KIF16B: variants seen among roughly 807,000 people sequenced by gnomAD.
KIF16B encodes kinesin family member 16B.
In KIF16B, 98 loss-of-function variants were observed where a neutral mutation model predicts 156.3. That is an observed-to-expected ratio of 0.63 (90% CI 0.53 to 0.74). The LOEUF (loss-of-function observed/expected upper bound fraction) is 0.74, where lower values mean the gene tolerates loss of function less well. KIF16B is among the 30% of genes least tolerant of loss of function. The pLI is 0.00. For synonymous variants in KIF16B, 564 were observed against 583.7 expected, an observed-to-expected ratio of 0.97 and a Z score of 0.49; for missense variants, 1,421 against 1,606.5, an observed-to-expected ratio of 0.88 and a Z score of 1.97.
intron 5 of KIF16B, among the ~76,000 whole-genome samples, chr20:16,512,161 A>G (rs2068975396): frequency 1.3e-5 from 2 of 151,922 alleles, no homozygotes; most frequent in Admixed American, 1.3e-4. Flanking sequence ...AAAAAAAAGG[A>G]AGGTACATTA....
chr20:16,554,471 C>T (rs2070776053), intron 1 of KIF16B, among the ~76,000 whole-genome samples: 1 of 152,214 alleles, frequency 6.6e-6, no homozygotes, highest in Admixed American at 6.5e-5. Flanking sequence ...GCCTGCTACC[C>T]AGTGCGGGTC....
chr20:16,440,505 T>C (rs559050001), intron 12 of KIF16B, among the ~76,000 whole-genome samples: 7 of 149,590 alleles, frequency 4.7e-5, no homozygotes, highest in African/African-American at 1.7e-4. Flanking sequence ...CATATTACAA[T>C]ACCTATGGTT....
intron 4 of KIF16B, among the ~76,000 whole-genome samples, chr20:16,514,112 C>T (rs145020324): frequency 6.6e-6 from 1 of 152,104 alleles, no homozygotes; most frequent in African/African-American, 2.4e-5. Context: ...GAGAAAAACA[C>T]TTGTAATTTG....
At chr20:16,290,347 C>G (rs1260092697) in intron 25 of KIF16B, among the ~76,000 whole-genome samples, 1 of 152,182 alleles carries the variant, frequency 6.6e-6, no homozygotes, top group African/African-American at 2.4e-5. Context: ...ATGACTCTAT[C>G]GTGTGCCTCT....
chr20:16,382,750 C>T (rs1287220569), intron 17 of KIF16B, among the ~76,000 whole-genome samples: 1 of 151,942 alleles, frequency 6.6e-6, no homozygotes, highest in Non-Finnish European at 1.5e-5. Context: ...CAGCTACCTC[C>T]CCCCACCCCA....
At chr20:16,446,194 A>G (rs1256526908) in intron 12 of KIF16B, among the ~76,000 whole-genome samples, 1 of 152,214 alleles carries the variant, frequency 6.6e-6, no homozygotes, top group African/African-American at 2.4e-5. Context: ...ACAATCAAGA[A>G]AGCTAAAAGT....
intron 12 of KIF16B, among the ~76,000 whole-genome samples, chr20:16,486,622 G>A (rs1384047130): frequency 1.3e-5 from 2 of 152,162 alleles, no homozygotes; most frequent in African/African-American, 2.4e-5. Flanking sequence ...AACCAAAGGG[G>A]AAAGAGCACT....
At chr20:16,513,502 C>T (rs1285045772) in intron 4 of KIF16B, among the ~76,000 whole-genome samples, 2 of 151,880 alleles carry the variant, frequency 1.3e-5, no homozygotes, top group South Asian at 2.1e-4. Flanking sequence ...CTACTAAAAA[C>T]CCAAAAAGTT....
At chr20:16,311,003 C>A (rs929056267) in intron 25 of KIF16B, among the ~76,000 whole-genome samples, 13 of 152,220 alleles carry the variant, frequency 8.5e-5, no homozygotes, top group Admixed American at 2.6e-4. Context: ...GAACCTCCAG[C>A]CTCTAGATAT....
intron 12 of KIF16B, among the ~76,000 whole-genome samples, chr20:16,444,578 T>C (rs931340242): frequency 1.3e-5 from 2 of 152,244 alleles, no homozygotes; most frequent in Non-Finnish European, 2.9e-5. Context: ...AACTGATTAC[T>C]ACCTAGCCTT....
intron 3 of KIF16B, among the ~76,000 whole-genome samples, chr20:16,519,782 G>A (rs1182535400): frequency 6.6e-6 from 1 of 152,216 alleles, no homozygotes; most frequent in African/African-American, 2.4e-5. Flanking sequence ...CAATGCAGAA[G>A]GCAAGTGATT....
chr20:16,523,947 G>T (rs2069442535), intron 3 of KIF16B, among the ~76,000 whole-genome samples: 1 of 152,138 alleles, frequency 6.6e-6, no homozygotes, highest in African/African-American at 2.4e-5. Flanking sequence ...TTTAATAAAT[G>T]GTGTTGGGAA....
chr20:16,548,917 C>T (rs971923719), intron 1 of KIF16B, among the ~76,000 whole-genome samples: 1 of 151,780 alleles, frequency 6.6e-6, no homozygotes, highest in Non-Finnish European at 1.5e-5. Context: ...AACACTAATG[C>T]TGTAGAAAAG....
intron 15 of KIF16B, among the ~76,000 whole-genome samples, chr20:16,426,318 G>T (rs2066351018): frequency 6.6e-6 from 1 of 152,144 alleles, no homozygotes; most frequent in African/African-American, 2.4e-5. Flanking sequence ...CACTTATGTA[G>T]AGGGACATTC....
intron 3 of KIF16B, among the ~76,000 whole-genome samples, chr20:16,519,758 G>A (rs1220088840): frequency 6.6e-6 from 1 of 152,212 alleles, no homozygotes; most frequent in African/African-American, 2.4e-5. Flanking sequence ...CTGGTCTGCA[G>A]CTCCCAGCAA....
chr20:16,563,310 G>A (rs996034428), intron 1 of KIF16B, among the ~76,000 whole-genome samples: 5 of 152,186 alleles, frequency 3.3e-5, no homozygotes, highest in African/African-American at 4.8e-5. Context: ...TCCCTGGAAG[G>A]ATTTTTTCCC....
rs1471267123 is a variant in KIF16B at position 16,282,221 on chromosome 20, T to C, written c.3796-8810A>G. ...TAATTTTTGTATTTTTTAGTAGAGA[T>C]GGGGTTTCACCATGCTGGTCAGGCT... On this transcript the variant is annotated intron_variant, in intron 25 of 25. Coordinates refer to ENST00000354981, the MANE Select transcript of KIF16B (RefSeq NM_024704.5). Among the ~76,000 whole-genome samples, 3 of 151,782 alleles carry C rather than the reference T, an allele frequency of 2.0e-5. No individual in the cohort carries two copies. In the South Asian group the frequency reaches 6.2e-4, roughly 32 times the overall value.
chr20:16,570,229 A>G (rs2071405940), intron 1 of KIF16B, among the ~76,000 whole-genome samples: 1 of 152,226 alleles, frequency 6.6e-6, no homozygotes. Flanking sequence ...TTACACATAT[A>G]TCTTTGTAGG....
At chr20:16,394,199 T>C (rs1484893717) in intron 17 of KIF16B, among the ~76,000 whole-genome samples, 2 of 152,160 alleles carry the variant, frequency 1.3e-5, no homozygotes, top group Non-Finnish European at 2.9e-5. Context: ...TGAAGCAAAA[T>C]GCATCCCACC....
Sources: gnomAD v4.1 joint callset for allele counts (sites outside exome capture counted in the v4.1 genomes callset) on GRCh38, gnomAD v4.1.1 for gene constraint, MANE v1.5 for transcripts, NCBI Gene and HGNC (gene_info 2026-07-23, HGNC 2026-07-21) for gene names.